Variants in CRIM1 observed in about 807,000 individuals in gnomAD.
CRIM1 encodes the protein cysteine rich transmembrane BMP regulator 1.
A neutral mutation model predicts 116.4 loss-of-function variants in CRIM1; 32 were observed. That is an observed-to-expected ratio of 0.27 (90% CI 0.21 to 0.37). CRIM1 has a LOEUF of 0.37. Ranked by LOEUF, CRIM1 falls within the 10% of genes least tolerant of loss-of-function variation. The pLI, the probability that CRIM1 is intolerant of heterozygous loss-of-function variation, is 1.00. For synonymous variants in CRIM1, 590 were observed against 509.2 expected (o/e 1.16, Z -2.13); for missense variants, 1,331 against 1,354.8 (o/e 0.98, Z 0.28).
intron 2 of CRIM1, among the ~76,000 whole-genome samples, chr2:36,431,666 G>T (rs1010623067): frequency 6.6e-6 from 1 of 152,176 alleles, no homozygotes; most frequent in African/African-American, 2.4e-5. Flanking sequence ...ATGACTGGCT[G>T]CTCCTTTAAT....
chr2:36,509,728 C>T (rs1053810933), intron 8 of CRIM1, among the ~76,000 whole-genome samples: 34 of 152,152 alleles, frequency 2.2e-4, no homozygotes, highest in Non-Finnish European at 2.9e-5. Context: ...TCAGAGCCTA[C>T]CAGATTTGAG....
At chr2:36,413,390 T>G (rs1280711215) in intron 2 of CRIM1, among the ~76,000 whole-genome samples, 2 of 152,300 alleles carry the variant, frequency 1.3e-5, no homozygotes, top group African/African-American at 4.8e-5. Flanking sequence ...TATACTTTTT[T>G]GGCATAGTTA....
intron 14 of CRIM1, among the ~76,000 whole-genome samples, chr2:36,539,316 C>T (rs766496372): frequency 1.3e-5 from 2 of 152,112 alleles, no homozygotes; most frequent in East Asian, 1.9e-4. Flanking sequence ...ACGTGCTGTG[C>T]GTGTTCAAGG....
chr2:36,466,220 C>A (rs372647778), intron 5 of CRIM1, among the ~76,000 whole-genome samples: 1 of 152,034 alleles, frequency 6.6e-6, no homozygotes, highest in Non-Finnish European at 1.5e-5. Context: ...CTATTCACAT[C>A]CAGAGGCACA....
At chr2:36,408,634 G>T (rs1181171604) in intron 2 of CRIM1, among the ~76,000 whole-genome samples, 1 of 152,208 alleles carries the variant, frequency 6.6e-6, no homozygotes, top group East Asian at 1.9e-4. Flanking sequence ...CGGAGCTGCA[G>T]CCCCAGGCTT....
chr2:36,505,199 C>G (rs1681305789), intron 8 of CRIM1, among the ~76,000 whole-genome samples: 1 of 152,162 alleles, frequency 6.6e-6, no homozygotes, highest in Non-Finnish European at 1.5e-5. Context: ...CATGGCCATC[C>G]TGAACTGATA....
intron 5 of CRIM1, among the ~76,000 whole-genome samples, chr2:36,466,146 A>T (rs112544530): frequency 6.6e-6 from 1 of 152,150 alleles, no homozygotes; most frequent in Admixed American, 6.5e-5. Flanking sequence ...TCGGCCTCCC[A>T]AGGTACTGGG....
intron 2 of CRIM1, among the ~76,000 whole-genome samples, chr2:36,415,321 A>G (rs1283475945): frequency 6.6e-6 from 1 of 152,150 alleles, no homozygotes; most frequent in East Asian, 1.9e-4. Context: ...TCGTGTGGTG[A>G]TGCTATTTGG....
At chr2:36,421,455 A>G (rs1432109398) in intron 2 of CRIM1, among the ~76,000 whole-genome samples, 1 of 152,252 alleles carries the variant, frequency 6.6e-6, no homozygotes, top group Non-Finnish European at 1.5e-5. Context: ...GGTGGTAGTA[A>G]GATGACTAGA....
chr2:36,481,494 T>C (rs1427514201), intron 7 of CRIM1, among the ~76,000 whole-genome samples: 1 of 152,152 alleles, frequency 6.6e-6, no homozygotes, highest in Non-Finnish European at 1.5e-5. Flanking sequence ...AGATACAGCA[T>C]TGGACACAAA....
intron 5 of CRIM1, among the ~76,000 whole-genome samples, chr2:36,468,693 G>T (rs1434734179): frequency 1.3e-5 from 2 of 152,182 alleles, no homozygotes; most frequent in Non-Finnish European, 2.9e-5. Context: ...TCAGCCGTCA[G>T]CTGGAGCTGG....
intron 1 of CRIM1, chr2:36,378,343 A>G (rs779235258): frequency 8.5e-6 from 4 of 471,160 alleles, no homozygotes; most frequent in South Asian, 1.5e-5. Flanking sequence ...GCCACCTAAC[A>G]TGTTTCTCTC....
intron 2 of CRIM1, among the ~76,000 whole-genome samples, chr2:36,432,625 A>G (rs1674983882): frequency 6.6e-6 from 1 of 152,134 alleles, no homozygotes; most frequent in Non-Finnish European, 1.5e-5. Context: ...TCCTCCCAGG[A>G]AGCTCTGACT....
chr2:36,477,062 G>C lies in CRIM1; in HGVS notation c.1165G>C (p.Val389Leu). The C allele has an allele frequency of 6.2e-7, 1 of 1,607,738 alleles. No homozygotes were observed. Among genetic ancestry groups the C allele is most frequent in the Non-Finnish European group, 8.5e-7 (1 of 1,177,542 alleles). The change falls in exon 6 of 17, where the codon GTG becomes CTG. Residue 389 changes from valine (V) to leucine (L), a missense_variant. This residue lies in a region of CRIM1 where 690 missense variants were observed against 676.0 expected (regional missense o/e 1.02). Coordinates refer to ENST00000280527, the MANE Select transcript of CRIM1 (RefSeq NM_016441.3). ...YYVPEGECCP[V>L]CEDPVYPFNN... The stretch of plus-strand genomic sequence containing the variant: ...CGTGCCCGAAGGAGAGTGCTGCCCA[G>C]TGTGTGAAGGTAAGAAAAGGTGCTA...
At chr2:36,388,278 A>G (rs1376405964) in intron 1 of CRIM1, among the ~76,000 whole-genome samples, 1 of 152,196 alleles carries the variant, frequency 6.6e-6, no homozygotes, top group Non-Finnish European at 1.5e-5. Flanking sequence ...AAGGTCCTGG[A>G]AAGTGATATT....
chr2:36,495,399 C>G (rs555934143), intron 7 of CRIM1, among the ~76,000 whole-genome samples: 1 of 151,958 alleles, frequency 6.6e-6, no homozygotes, highest in South Asian at 2.1e-4. Flanking sequence ...TCAGAATGCT[C>G]TAACTTTTAG....
At chr2:36,377,265 G>GCATTT (rs1670397236) in intron 1 of CRIM1, among the ~76,000 whole-genome samples, 1 of 152,232 alleles carries the variant, frequency 6.6e-6, no homozygotes, top group Non-Finnish European at 1.5e-5. Flanking sequence ...CAGTCTTGGG[G>GCATTT]CATTTTACCC....
Position 36,517,442 on chromosome 2 carries a change from C to T in CRIM1, c.2106C>T (p.Thr702=), listed in dbSNP as rs571236445. The T allele has an allele frequency of 2.5e-6, 4 of 1,614,232 alleles. No individual in the cohort carries two copies. In the South Asian group the frequency reaches 4.4e-5, roughly 18 times the overall value. Reference sequence around the variant, plus strand: ...ACATTGACTCCTGTACTCAGTGCACCTGCCACAGCGGACGGGTGCTGTGTG... The same window carrying T: ...ACATTGACTCCTGTACTCAGTGCACTTGCCACAGCGGACGGGTGCTGTGTG... ...TWNIDSCTQC[T]CHSGRVLCET... is the part of the protein sequence containing the mutation. The change falls in exon 12 of 17, where the codon ACC becomes ACT. Residue 702 remains threonine (T), a synonymous_variant. Coordinates refer to ENST00000280527, the MANE Select transcript of CRIM1 (RefSeq NM_016441.3).
chr2:36,539,281 C>T (rs191966649), intron 14 of CRIM1, among the ~76,000 whole-genome samples: 54 of 152,292 alleles, frequency 3.5e-4, no homozygotes, highest in Admixed American at 2.2e-3. Flanking sequence ...CTGGGTATAG[C>T]CAGCGCCAAG....
Sources: gnomAD v4.1 joint callset for allele counts (sites outside exome capture counted in the v4.1 genomes callset) on GRCh38, gnomAD v4.1.1 for gene constraint, gnomAD v4.1.1 regional missense constraint, MANE v1.5 for transcripts, NCBI Gene and HGNC (gene_info 2026-07-23, HGNC 2026-07-21) for gene names.